Variants in NSMCE2 observed in about 807,000 individuals in gnomAD.
The protein encoded by NSMCE2 is NSE2 SUMO ligase component of SMC5/6 complex.
Under a neutral mutation model 23.8 loss-of-function variants are expected in NSMCE2, and 24 were observed. The ratio of observed to expected loss-of-function variants is 1.01; its 90% CI spans 0.73 to 1.42. The LOEUF (loss-of-function observed/expected upper bound fraction) is 1.42. NSMCE2 is among the 40% of genes most tolerant of loss of function. NSMCE2 has a pLI of 0.00. For missense variants in NSMCE2, 284 were observed against 296.5 expected (o/e 0.96, Z 0.31); for synonymous variants, 92 against 94.1 (o/e 0.98, Z 0.13).
chr8:125,300,092 T>C (rs567332205), intron 5 of NSMCE2, among the ~76,000 whole-genome samples: 2 of 151,996 alleles, frequency 1.3e-5, no homozygotes, highest in Non-Finnish European at 2.9e-5. Flanking sequence ...ATGCTGGGAT[T>C]ACAGGCATGA....
chr8:125,244,120 A>G (rs148068720), intron 5 of NSMCE2, among the ~76,000 whole-genome samples: 1 of 152,318 alleles, frequency 6.6e-6, no homozygotes, highest in East Asian at 1.9e-4. Flanking sequence ...TGATTCCTCA[A>G]AAAAGAATAA....
At chr8:125,219,028 T>C (rs1309707926) in intron 5 of NSMCE2, among the ~76,000 whole-genome samples, 1 of 152,194 alleles carries the variant, frequency 6.6e-6, no homozygotes, top group Non-Finnish European at 1.5e-5. Flanking sequence ...GGTTACATTA[T>C]CAGAAAAATG....
chr8:125,158,605 C>T (rs1406641718), intron 4 of NSMCE2, among the ~76,000 whole-genome samples: 1 of 152,148 alleles, frequency 6.6e-6, no homozygotes, highest in Non-Finnish European at 1.5e-5. Context: ...TTTGAATTAC[C>T]CAAATGATAT....
At chr8:125,338,234 G>GCAAA (rs1830125370) in intron 5 of NSMCE2, among the ~76,000 whole-genome samples, 1 of 150,836 alleles carries the variant, frequency 6.6e-6, no homozygotes, top group South Asian at 2.1e-4. Context: ...CTTCTAAATG[G>GCAAA]CAAACAGTTG....
At chr8:125,309,147 T>G (rs1828876201) in intron 5 of NSMCE2, among the ~76,000 whole-genome samples, 1 of 149,270 alleles carries the variant, frequency 6.7e-6, no homozygotes, top group Non-Finnish European at 1.5e-5. Flanking sequence ...CTCAGGAGGC[T>G]GAGGCAGGAG....
chr8:125,318,470 T>C (rs1659600191), intron 5 of NSMCE2, among the ~76,000 whole-genome samples: 1 of 152,192 alleles, frequency 6.6e-6, no homozygotes, highest in Non-Finnish European at 1.5e-5. Context: ...TAATATTCAG[T>C]GTTGCAATCT....
chr8:125,351,180 G>A (rs1457686098), intron 5 of NSMCE2, among the ~76,000 whole-genome samples: 1 of 152,096 alleles, frequency 6.6e-6, no homozygotes, highest in Non-Finnish European at 1.5e-5. Context: ...TCTTCCCTGA[G>A]TCATAACTGA....
intron 1 of NSMCE2, among the ~76,000 whole-genome samples, chr8:125,100,164 C>T (rs1269075659): frequency 1.3e-5 from 2 of 151,922 alleles, no homozygotes; most frequent in African/African-American, 4.8e-5. Flanking sequence ...TCTGTTTCCT[C>T]AGGAAATTAG....
At chr8:125,103,954 A>G (rs866094198) in intron 3 of NSMCE2, among the ~76,000 whole-genome samples, 1 of 140,528 alleles carries the variant, frequency 7.1e-6, no homozygotes, top group Middle Eastern at 3.5e-3. Flanking sequence ...TGTCATCTCT[A>G]TGTGTATTAT....
At chr8:125,294,532 A>G (rs943061033) in intron 5 of NSMCE2, among the ~76,000 whole-genome samples, 1 of 152,110 alleles carries the variant, frequency 6.6e-6, no homozygotes, top group Non-Finnish European at 1.5e-5. Flanking sequence ...TTTGATTTGC[A>G]TTTCCCTGAT....
intron 7 of NSMCE2, among the ~76,000 whole-genome samples, chr8:125,359,585 G>A (rs1425850325): frequency 5.9e-5 from 9 of 151,978 alleles, no homozygotes; most frequent in African/African-American, 7.2e-5. Context: ...TGCCCGCTTC[G>A]GCCTCCCAAA....
chr8:125,192,047 G>A (rs972134313), intron 5 of NSMCE2, among the ~76,000 whole-genome samples: 20 of 152,154 alleles, frequency 1.3e-4, no homozygotes, highest in African/African-American at 4.8e-4. Flanking sequence ...TCAGCAGCAA[G>A]TTTAAACACA....
intron 5 of NSMCE2, among the ~76,000 whole-genome samples, chr8:125,222,686 A>G (rs1824917579): frequency 6.6e-6 from 1 of 152,210 alleles, no homozygotes; most frequent in South Asian, 2.1e-4. Flanking sequence ...ATGTTGTTGC[A>G]AATGACAGAA....
chr8:125,186,947 A>G (rs1413639689), intron 5 of NSMCE2, among the ~76,000 whole-genome samples: 2 of 152,244 alleles, frequency 1.3e-5, no homozygotes, highest in African/African-American at 4.8e-5. Context: ...GGCATTAGAT[A>G]TAACATCTTT....
chr8:125,278,244 T>C (rs1827553327), intron 5 of NSMCE2, among the ~76,000 whole-genome samples: 1 of 152,240 alleles, frequency 6.6e-6, no homozygotes, highest in Non-Finnish European at 1.5e-5. Flanking sequence ...CCAGCTTAGG[T>C]GGAATGAGTG....
chr8:125,272,748 T>TACAC (rs1164096529), intron 5 of NSMCE2, among the ~76,000 whole-genome samples: 2 of 140,850 alleles, frequency 1.4e-5, no homozygotes, highest in African/African-American at 5.4e-5. Flanking sequence ...CACATATATA[T>TACAC]ACACACGTAT....
intron 5 of NSMCE2, among the ~76,000 whole-genome samples, chr8:125,240,722 T>TG (rs1825735932): frequency 6.6e-6 from 1 of 152,138 alleles, no homozygotes; most frequent in African/African-American, 2.4e-5. Flanking sequence ...TTATTTTTTT[T>TG]TTGTTAGTTT....
chr8:125,271,071 A>G (rs531100170), intron 5 of NSMCE2, among the ~76,000 whole-genome samples: 175 of 152,046 alleles, frequency 1.2e-3, no homozygotes, highest in African/African-American at 3.9e-3. Context: ...ACCAGCCTGA[A>G]CAACATAGTG....
At chr8:125,225,129 G>C (rs1825037878) in intron 5 of NSMCE2, among the ~76,000 whole-genome samples, 1 of 152,110 alleles carries the variant, frequency 6.6e-6, no homozygotes, top group South Asian at 2.1e-4. Flanking sequence ...GGCTATATGT[G>C]CTAATCCCTA....
Sources: allele counts gnomAD v4.1 joint callset (sites outside exome capture counted in the v4.1 genomes callset), GRCh38; gene constraint gnomAD v4.1.1; transcripts MANE v1.5; gene names NCBI Gene and HGNC (gene_info 2026-07-23, HGNC 2026-07-21).